LRRIQ3: variants seen among roughly 807,000 people sequenced by gnomAD.
LRRIQ3 encodes leucine rich repeats and IQ motif containing 3, also known as leucine-rich repeat and IQ domain-containing protein 3.
Under a neutral mutation model 59.3 loss-of-function variants are expected in LRRIQ3, and 75 were observed. The ratio of observed to expected loss-of-function variants is 1.26; its 90% confidence interval spans 1.05 to 1.53. LRRIQ3 has a LOEUF of 1.53. Ranked by LOEUF, LRRIQ3 falls within the 40% of genes most tolerant of loss-of-function variation. The pLI, the probability that LRRIQ3 is intolerant of heterozygous loss-of-function variation, is 0.00. For synonymous variants in LRRIQ3, 250 were observed against 231.3 expected (o/e 1.08, Z -0.73); for missense variants, 831 against 710.0 (o/e 1.17, Z -1.94).
chr1:74,103,212 T>C (rs1169082640), intron 5 of LRRIQ3, among the ~76,000 whole-genome samples: 1 of 151,994 alleles, frequency 6.6e-6, no homozygotes, highest in Non-Finnish European at 1.5e-5. Flanking sequence ...TTCCATTCTT[T>C]ATAAAATCAA....
At chr1:74,068,480 G>C (rs967435608) in intron 6 of LRRIQ3, among the ~76,000 whole-genome samples, 1 of 151,906 alleles carries the variant, frequency 6.6e-6, no homozygotes, top group Non-Finnish European at 1.5e-5. Context: ...TAACTGCATG[G>C]GAAGCTGGGC....
At chr1:74,153,169 G>C (rs558997059) in intron 4 of LRRIQ3, among the ~76,000 whole-genome samples, 2 of 151,882 alleles carry the variant, frequency 1.3e-5, no homozygotes, top group Non-Finnish European at 2.9e-5. Context: ...CTGCCTTTAC[G>C]TAGGTTTAGG....
intron 3 of LRRIQ3, chr1:74,181,689 A>T (rs1338428035): frequency 6.6e-6 from 1 of 151,816 alleles, no homozygotes; most frequent in Non-Finnish European, 1.5e-5. Flanking sequence ...CAAAATCCTA[A>T]ATTTTTAAAA....
intron 5 of LRRIQ3, among the ~76,000 whole-genome samples, chr1:74,101,868 T>C (rs1040262124): frequency 2.0e-5 from 3 of 151,786 alleles, no homozygotes; most frequent in African/African-American, 7.3e-5. Flanking sequence ...ATGAGAACAC[T>C]TGGACACAGG....
intron 3 of LRRIQ3, among the ~76,000 whole-genome samples, chr1:74,162,006 T>C (rs1360726617): frequency 1.3e-5 from 2 of 151,908 alleles, no homozygotes; most frequent in African/African-American, 4.8e-5. Flanking sequence ...GTTTAAATCT[T>C]AGTTCTACCA....
At chr1:74,168,030 T>C (rs1435538224) in intron 3 of LRRIQ3, among the ~76,000 whole-genome samples, 1 of 152,076 alleles carries the variant, frequency 6.6e-6, no homozygotes, top group Non-Finnish European at 1.5e-5. Context: ...TAGAATTTCA[T>C]GGACACTTGA....
chr1:74,119,413 T>G (rs1265962520), intron 4 of LRRIQ3, among the ~76,000 whole-genome samples: 1 of 152,106 alleles, frequency 6.6e-6, no homozygotes, highest in Non-Finnish European at 1.5e-5. Context: ...TCGACTACTT[T>G]ATATACAAGC....
intron 6 of LRRIQ3, among the ~76,000 whole-genome samples, chr1:74,066,014 C>T (rs919379195): frequency 4.6e-5 from 7 of 151,742 alleles, no homozygotes; most frequent in African/African-American, 1.7e-4. Flanking sequence ...TAGTGAAACC[C>T]CATCTCTACT....
chr1:74,036,544 T>C (rs1653879707), intron 7 of LRRIQ3, among the ~76,000 whole-genome samples: 1 of 152,222 alleles, frequency 6.6e-6, no homozygotes, highest in Non-Finnish European at 1.5e-5. Flanking sequence ...CTAATCTGTC[T>C]TTATTATAGA....
intron 5 of LRRIQ3, among the ~76,000 whole-genome samples, chr1:74,090,089 T>C (rs887964503): frequency 2.6e-5 from 4 of 152,044 alleles, no homozygotes; most frequent in African/African-American, 9.7e-5. Flanking sequence ...TTTTACTATG[T>C]TTTTACTGTT....
At chr1:74,056,270 CA>C (rs1654534152) in intron 6 of LRRIQ3, among the ~76,000 whole-genome samples, 1 of 151,902 alleles carries the variant, frequency 6.6e-6, no homozygotes, top group Non-Finnish European at 1.5e-5. Flanking sequence ...ATATCATACA[CA>C]ATGGGAAAAA....
chr1:74,030,206 A>G (rs548243717), intron 7 of LRRIQ3, among the ~76,000 whole-genome samples: 1 of 152,212 alleles, frequency 6.6e-6, no homozygotes, highest in East Asian at 1.9e-4. Flanking sequence ...AAGGTAATTT[A>G]TAGATTCAGT....
At chr1:74,074,385 C>G (rs1463939852) in intron 6 of LRRIQ3, among the ~76,000 whole-genome samples, 1 of 152,032 alleles carries the variant, frequency 6.6e-6, no homozygotes, top group Non-Finnish European at 1.5e-5. Context: ...ATAATATTAT[C>G]AAAATCCTAG....
chr1:74,109,607 ATG>A, intron 4 of LRRIQ3, 54 bp from the exon 5 acceptor site: 2 of 1,434,664 alleles, frequency 1.4e-6, no homozygotes, highest in Non-Finnish European at 1.9e-6. Context: ...ATTAAAAAAC[ATG>A]AAAATTAGTC....
chr1:74,089,897 A>C (rs1051088085), intron 5 of LRRIQ3, among the ~76,000 whole-genome samples: 4 of 152,072 alleles, frequency 2.6e-5, no homozygotes, highest in African/African-American at 9.7e-5. Context: ...AGTGTTTCTC[A>C]AAATTATAAC....
At chr1:74,136,915 A>C (rs1295340067) in intron 4 of LRRIQ3, among the ~76,000 whole-genome samples, 1 of 151,956 alleles carries the variant, frequency 6.6e-6, no homozygotes. Flanking sequence ...TGAACCTCAT[A>C]ACGGTTCTTT....
chr1:74,151,410 A>G (rs905950211), intron 4 of LRRIQ3, among the ~76,000 whole-genome samples: 4 of 152,244 alleles, frequency 2.6e-5, no homozygotes, highest in African/African-American at 7.2e-5. Context: ...ATTTTTTTAA[A>G]TATCTACAAC....
intron 3 of LRRIQ3, among the ~76,000 whole-genome samples, chr1:74,161,809 C>T (rs951800046): frequency 6.6e-6 from 1 of 151,806 alleles, no homozygotes; most frequent in African/African-American, 2.4e-5. Flanking sequence ...CCAGACAATA[C>T]TTAAGCTTTC....
At chr1:74,052,491 T>C (rs976876243) in intron 6 of LRRIQ3, among the ~76,000 whole-genome samples, 14 of 152,138 alleles carry the variant, frequency 9.2e-5, no homozygotes, top group African/African-American at 3.4e-4. Flanking sequence ...AGGAAGAAAT[T>C]ATAAAATTTA....
Sources: allele counts gnomAD v4.1 joint callset (sites outside exome capture counted in the v4.1 genomes callset), GRCh38; gene constraint gnomAD v4.1.1; transcripts MANE v1.5; gene names NCBI Gene and HGNC (gene_info 2026-07-23, HGNC 2026-07-21).